The following UPF2 variants were observed in gnomAD, a reference collection of about 807,000 sequenced individuals.
UPF2 encodes the protein regulator of nonsense transcripts 2.
UPF2 carries 17 observed loss-of-function variants against 141.4 expected under a neutral mutation model. The observed-to-expected ratio is 0.12, with a 90% CI of 0.08 to 0.18. The LOEUF is 0.18. UPF2 is among the 10% of genes least tolerant of loss of function. The probability of loss-of-function intolerance (pLI) is 1.00; values close to 1 mark genes in which losing one functional copy is unlikely to be tolerated. For missense variants in UPF2, 1,152 were observed against 1,515.9 expected (o/e 0.76, Z 3.99); for synonymous variants, 540 against 498.0 (o/e 1.08, Z -1.12).
At chr10:12,022,805 T>C (rs1423722851) in intron 3 of UPF2, among the ~76,000 whole-genome samples, 1 of 152,176 alleles carries the variant, frequency 6.6e-6, no homozygotes, top group East Asian at 1.9e-4. Context: ...TTTTTAAGTT[T>C]CAATATCAGT....
chr10:11,959,359 G>C lies in UPF2; in HGVS notation c.2185-3C>G, dbSNP rs781727866. On this transcript the variant is annotated splice_polypyrimidine_tract_variant and splice_region_variant and intron_variant, in intron 11 of 21. Coordinates refer to ENST00000357604, the MANE Select transcript of UPF2 (RefSeq NM_015542.4). The surrounding 1 kb of genome is among the most constrained non-coding windows in gnomAD (Gnocchi z 5.9). ...TGCTTCTTTCTCATCATTTGCTCCTGAAATAAAAAGTCCAAATTAATCAAA... is the reference window on the plus strand; with the variant it reads ...TGCTTCTTTCTCATCATTTGCTCCTCAAATAAAAAGTCCAAATTAATCAAA... 1 of 1,553,726 alleles carries C rather than the reference G, an allele frequency of 6.4e-7. No homozygotes were observed. The highest frequency in any genetic ancestry group is 1.2e-5 in the South Asian group (1 of 81,092).
chr10:11,997,945 A>G (rs368857249), intron 7 of UPF2, among the ~76,000 whole-genome samples, 188 bp from the exon 8 acceptor site: 34 of 152,344 alleles, frequency 2.2e-4, no homozygotes, highest in African/African-American at 7.7e-4. Flanking sequence ...ACCAAGAGCC[A>G]AGAAAATTAC....
chr10:11,963,465 T>C (rs1264738681), intron 11 of UPF2, among the ~76,000 whole-genome samples: 1 of 152,062 alleles, frequency 6.6e-6, no homozygotes, highest in Non-Finnish European at 1.5e-5. Context: ...GCCTTCTGAG[T>C]AGTTGGGACT....
At chr10:11,954,633 C>CAAAAAAA (rs199644138) in intron 14 of UPF2, among the ~76,000 whole-genome samples, 3 of 128,028 alleles carry the variant, frequency 2.3e-5, no homozygotes, top group African/African-American at 8.8e-5. Flanking sequence ...GACTTACTCT[C>CAAAAAAA]AAAAAAAAAA....
intron 21 of UPF2, among the ~76,000 whole-genome samples, chr10:11,929,543 G>A (rs971334337): frequency 1.3e-5 from 2 of 152,106 alleles, no homozygotes; most frequent in Non-Finnish European, 2.9e-5. Context: ...AGGCTGATGT[G>A]GGAGGATCAC....
intron 8 of UPF2, among the ~76,000 whole-genome samples, chr10:11,986,094 C>G (rs1833687410): frequency 6.6e-6 from 1 of 151,718 alleles, no homozygotes; most frequent in Non-Finnish European, 1.5e-5. Flanking sequence ...CCGTGATAGC[C>G]AGGATGGTCT....
At chr10:11,976,853 G>A (rs1833513230) in intron 9 of UPF2, among the ~76,000 whole-genome samples, 1 of 152,190 alleles carries the variant, frequency 6.6e-6, no homozygotes, top group Non-Finnish European at 1.5e-5. Flanking sequence ...TGCTATGTGA[G>A]GAGCTGCATG....
chr10:12,029,616 T>TAG, intron 2 of UPF2, 92 bp from the exon 3 acceptor site: 1 of 1,338,392 alleles, frequency 7.5e-7, no homozygotes, highest in Non-Finnish European at 1.0e-6. Flanking sequence ...ATGAAAAAAA[T>TAG]TATCTAAGTA....
chr10:12,029,027 T>C lies in UPF2; in HGVS notation c.863A>G (p.Tyr288Cys), dbSNP rs764256478. 2.6e-5 allele frequency: 42 copies of C among 1,614,114 alleles called. No individual in the cohort carries two copies. The East Asian group carries it at 3.1e-4, about 12-fold the overall frequency. The part of the protein sequence containing the change: ...FTDKEGLSLI[Y>C]EQLKNIINAD... The stretch of plus-strand genomic sequence containing the variant: ...ATTAATAATATTTTTTAGCTGTTCA[T>C]AGATTAAGGAAAGACCTTCCTTGTC... Residue 288 changes from tyrosine to cysteine, a missense_variant, in exon 3 of 22, where the codon TAT becomes TGT. By Grantham distance (194) the Tyr-to-Cys change is radical (BLOSUM62 -2). Around this residue, in one of 4 missense-constraint regions of UPF2, gnomAD observed 739 missense variants for 1,032.2 expected, o/e 0.72. Transcript: ENST00000357604.
At chr10:11,966,484 G>A (rs1169369011) in intron 10 of UPF2, among the ~76,000 whole-genome samples, 1 of 152,070 alleles carries the variant, frequency 6.6e-6, no homozygotes, top group African/African-American at 2.4e-5. Context: ...GAGTGCAATG[G>A]TGTGATCTTG....
chr10:11,948,080 T>G (rs1258611345), intron 16 of UPF2, among the ~76,000 whole-genome samples: 1 of 151,628 alleles, frequency 6.6e-6, no homozygotes, highest in Non-Finnish European at 1.5e-5. Context: ...AAACCCCATC[T>G]CTACTAAAAA....
Position 11,927,681 on chromosome 10 carries a change from T to G in UPF2, c.3809+2184A>C, listed in dbSNP as rs1234600157. On this transcript the variant is annotated intron_variant, in intron 21 of 21. Transcript: ENST00000357604. ...TAATATCTTATTGTGCCTAATTAGATGGGTTTACAGGTCATTTCCAACTTG... is the reference window on the plus strand; with the variant it reads ...TAATATCTTATTGTGCCTAATTAGAGGGGTTTACAGGTCATTTCCAACTTG... Among the ~76,000 whole-genome samples the G allele has an allele frequency of 2.6e-5, 4 of 152,214 alleles. No individual in the cohort carries two copies. In the East Asian group the frequency reaches 7.7e-4, roughly 29 times the overall value.
rs1160502313 is a variant in UPF2 at position 12,019,163 on chromosome 10, A to G, written c.1146-4979T>C. On this transcript the variant is annotated intron_variant, in intron 3 of 21. Coordinates refer to ENST00000357604, the MANE Select transcript of UPF2 (RefSeq NM_015542.4). This position sits in a 1 kb window ranked among gnomAD's most constrained non-coding sequence, Gnocchi z 4.5. ...AGAATGTCATAAAGTAGAGGTCAGC[A>G]AACTTTTTCTGTAAAGGGCCATACA... Among the ~76,000 whole-genome samples, 1 of 152,228 alleles carries G rather than the reference A, an allele frequency of 6.6e-6. No homozygotes were observed. The highest frequency in any genetic ancestry group is 6.5e-5 in the Admixed American group (1 of 15,284).
intron 4 of UPF2, among the ~76,000 whole-genome samples, chr10:12,007,834 G>GTAATAA (rs140872031): frequency 0.29 from 39,416 of 134,102 alleles, 6,725 homozygotes; most frequent in Non-Finnish European, 0.41. Flanking sequence ...CCGTCTCAAA[G>GTAATAA]TAATAATAAT....
At chr10:11,934,727 T>C (rs1056389207) in intron 19 of UPF2, among the ~76,000 whole-genome samples, 13 of 152,158 alleles carry the variant, frequency 8.5e-5, no homozygotes, top group Admixed American at 1.3e-4. Flanking sequence ...GTAGCTGGGA[T>C]TACAGGCACA....
At chr10:11,961,269 T>C (rs536288613) in intron 11 of UPF2, among the ~76,000 whole-genome samples, 4 of 152,030 alleles carry the variant, frequency 2.6e-5, no homozygotes, top group East Asian at 1.9e-4. Context: ...TCAATAATAA[T>C]TGCAACAGTA....
At chr10:11,937,603 C>G (rs1286343637) in intron 18 of UPF2, among the ~76,000 whole-genome samples, 1 of 152,152 alleles carries the variant, frequency 6.6e-6, no homozygotes. Context: ...AGGACATGGA[C>G]CAGCATGGTA....
chr10:11,932,805 A>T (rs1832798676), intron 19 of UPF2, among the ~76,000 whole-genome samples: 1 of 152,232 alleles, frequency 6.6e-6, no homozygotes, highest in African/African-American at 2.4e-5. Context: ...AGCTAAAATT[A>T]AAAAACATAC....
intron 9 of UPF2, among the ~76,000 whole-genome samples, chr10:11,970,581 G>A (rs1833399638): frequency 6.6e-6 from 1 of 152,176 alleles, no homozygotes; most frequent in Non-Finnish European, 1.5e-5. Context: ...GAAGGCCAAG[G>A]CAGGTGGATC....
Sources: gnomAD v4.1 joint callset for allele counts (sites outside exome capture counted in the v4.1 genomes callset) on GRCh38, gnomAD v4.1.1 for gene constraint, gnomAD v4.1.1 regional missense constraint, Gnocchi (gnomAD v3.1) non-coding constraint, MANE v1.5 for transcripts, NCBI Gene and HGNC (gene_info 2026-07-23, HGNC 2026-07-21) for gene names.